The following TLL2 variants were observed in gnomAD, a reference collection of about 807,000 sequenced individuals.
TLL2 encodes the protein tolloid like 2.
TLL2 carries 106 observed loss-of-function variants against 123.0 expected under a neutral mutation model. That is an observed-to-expected ratio of 0.86 (90% CI 0.74 to 1.01). TLL2 has a LOEUF of 1.01. TLL2 is among the 50% of genes least tolerant of loss of function. TLL2 has a pLI of 0.00. For synonymous variants in TLL2, 494 were observed against 516.8 expected, an observed-to-expected ratio of 0.96 and a Z score of 0.60; for missense variants, 1,332 against 1,336.7, an observed-to-expected ratio of 1.00 and a Z score of 0.06.
chr10:96,418,853 AAATT>A (rs1720741897), intron 7 of TLL2, among the ~76,000 whole-genome samples: 1 of 149,150 alleles, frequency 6.7e-6, no homozygotes, highest in African/African-American at 2.4e-5. Context: ...ATGAATATAT[AAATT>A]AATAATTATT....
intron 1 of TLL2, among the ~76,000 whole-genome samples, chr10:96,487,573 T>C (rs1377546936): frequency 6.6e-6 from 1 of 151,454 alleles, no homozygotes. Context: ...GTAGGTGGAG[T>C]TGGGGGAGGG....
intron 3 of TLL2, among the ~76,000 whole-genome samples, chr10:96,434,683 A>T (rs920911613): frequency 6.6e-6 from 1 of 152,028 alleles, no homozygotes; most frequent in African/African-American, 2.4e-5. Context: ...TAGTTTTTTC[A>T]TTTCTCTTGG....
Position 96,432,844 on chromosome 10 carries a change from T to C in TLL2, c.483A>G (p.Gly161=). The change falls in exon 4 of 21, where the codon GGA becomes GGG. Residue 161 remains glycine (G), a synonymous_variant. Coordinates refer to ENST00000357947, the MANE Select transcript of TLL2 (RefSeq NM_012465.4). ...TTSRTERIWP[G]GVIPYVIGGN... is the part of the protein sequence containing the mutation. Reference sequence around the variant, plus strand: ...CTCCAATGACGTAGGGGATGACTCCTCCAGGCCATATCCTCTCTGTCCTTG... The same window carrying C: ...CTCCAATGACGTAGGGGATGACTCCCCCAGGCCATATCCTCTCTGTCCTTG... 3 of 1,614,058 alleles carry C rather than the reference T, an allele frequency of 1.9e-6. No homozygotes were observed. The highest frequency in any genetic ancestry group is 2.5e-6 in the Non-Finnish European group (3 of 1,179,992).
At chr10:96,474,402 C>A (rs1180065942) in intron 2 of TLL2, among the ~76,000 whole-genome samples, 1 of 152,248 alleles carries the variant, frequency 6.6e-6, no homozygotes, top group Non-Finnish European at 1.5e-5. Flanking sequence ...AGAGGCATCA[C>A]AAATGCAGCT....
intron 1 of TLL2, among the ~76,000 whole-genome samples, chr10:96,506,025 G>A (rs946252460): frequency 3.3e-5 from 5 of 151,950 alleles, no homozygotes; most frequent in Non-Finnish European, 7.4e-5. Context: ...AGGCTGAGGC[G>A]GGTGGATCAT....
At chr10:96,401,174 G>A (rs574259896) in intron 10 of TLL2, among the ~76,000 whole-genome samples, 11 of 152,148 alleles carry the variant, frequency 7.2e-5, no homozygotes, top group Non-Finnish European at 1.5e-4. Context: ...GTCATAAAGG[G>A]TTCATTCATA....
chr10:96,381,209 C>T (rs948978066), intron 16 of TLL2, among the ~76,000 whole-genome samples: 25 of 152,248 alleles, frequency 1.6e-4, no homozygotes, highest in African/African-American at 6.0e-4. Context: ...GCCCTGCTGC[C>T]CTGGTCCTCC....
At chr10:96,459,324 C>T (rs530026325) in intron 2 of TLL2, among the ~76,000 whole-genome samples, 2 of 151,862 alleles carry the variant, frequency 1.3e-5, no homozygotes, top group Admixed American at 6.6e-5. Flanking sequence ...AAGGATGTAC[C>T]CACCAAATAT....
intron 1 of TLL2, among the ~76,000 whole-genome samples, chr10:96,488,529 A>G (rs1847379081): frequency 1.3e-5 from 2 of 152,152 alleles, no homozygotes; most frequent in African/African-American, 4.8e-5. Context: ...GTTCCTGTGG[A>G]TCAAAGACAG....
At position 96,405,305 on chromosome 10, in the gene TLL2, C is replaced by G; in HGVS notation, c.1194G>C (p.Leu398Phe). 2 of 1,614,148 alleles carry G rather than the reference C, an allele frequency of 1.2e-6. No individual in the cohort carries two copies. The highest frequency in any genetic ancestry group is 4.5e-5 in the East Asian group (2 of 44,890). ...CATACCAGCACAGTCGGCTTTTAAA[C>G]AAATCCATGGATGTGAAGTTTAATA... ...KIVLNFTSMD[L>F]FKSRLCWYDY... Residue 398 changes from leucine to phenylalanine, a missense_variant, in exon 10 of 21, where the codon TTG becomes TTC. By Grantham distance (22) the Leu-to-Phe change is conservative. Coordinates refer to ENST00000357947, the MANE Select transcript of TLL2 (RefSeq NM_012465.4).
In TLL2 at chr10:96,476,240, A is replaced by ATATATATATATATATTTTTTTTTTTTTTT; in HGVS notation, c.286+4108_286+4109insAAAAAAAAAAAAAAATATATATATATATA. Among the ~76,000 whole-genome samples the ATATATATATATATATTTTTTTTTTTTTTT allele has an allele frequency of 7.3e-4, 15 of 20,432 alleles. 3 individuals carry two copies. Among genetic ancestry groups the ATATATATATATATATTTTTTTTTTTTTTT allele is most frequent in the Non-Finnish European group, 1.1e-3 (11 of 9,964 alleles). The allele number at this position is 20,432 out of a possible 152,430, so 13.4% of individuals were successfully genotyped here. ...TTTATATGTATATATATATATATAT[A>ATATATATATATATATTTTTTTTTTTTTTT]TTTTATTTTTGTTGTTGTTGTTGTT... On this transcript the variant is annotated intron_variant, in intron 2 of 20. Coordinates refer to ENST00000357947, the MANE Select transcript of TLL2 (RefSeq NM_012465.4).
At chr10:96,426,501 G>A (rs1400717405) in intron 5 of TLL2, among the ~76,000 whole-genome samples, 1 of 152,114 alleles carries the variant, frequency 6.6e-6, no homozygotes, top group African/African-American at 2.4e-5. Context: ...TGTTTTTGAA[G>A]TTTTGAAAGA....
At chr10:96,382,482 T>G (rs1396502577) in intron 16 of TLL2, among the ~76,000 whole-genome samples, 1 of 152,240 alleles carries the variant, frequency 6.6e-6, no homozygotes, top group Non-Finnish European at 1.5e-5. Flanking sequence ...ATGGGAACAC[T>G]GGTAAAAGAA....
At chr10:96,478,585 A>G (rs533233963) in intron 2 of TLL2, among the ~76,000 whole-genome samples, 69 of 152,334 alleles carry the variant, frequency 4.5e-4, no homozygotes, top group Middle Eastern at 3.4e-3. Flanking sequence ...AACTGCCCAC[A>G]TGTCTGTCAA....
At chr10:96,390,107 T>C (rs1458126048) in intron 13 of TLL2, among the ~76,000 whole-genome samples, 2 of 152,386 alleles carry the variant, frequency 1.3e-5, no homozygotes, top group East Asian at 3.9e-4. Context: ...GAAGCAGCAT[T>C]CAGCTTAGCA....
At chr10:96,424,767 ATTGTT>A (rs5787183) in intron 5 of TLL2, among the ~76,000 whole-genome samples, 43,584 of 150,568 alleles carry the variant, frequency 0.29, 6,338 homozygotes, top group Non-Finnish European at 0.31. Flanking sequence ...GTTTTTATGT[ATTGTT>A]TTGTTTTTTT....
intron 2 of TLL2, among the ~76,000 whole-genome samples, chr10:96,468,156 C>T (rs1290936837): frequency 6.6e-6 from 1 of 152,182 alleles, no homozygotes; most frequent in African/African-American, 2.4e-5. Flanking sequence ...CAGACGTGGA[C>T]CTACCATCTG....
chr10:96,460,953 G>A lies in TLL2; in HGVS notation c.287-14785C>T, dbSNP rs1339132206. On this transcript the variant is annotated intron_variant, in intron 2 of 20. Transcript: ENST00000357947. Reference sequence around the variant, plus strand: ...CAGCACCTTGATCTTGGACTTCCCAGCCTCCAGAACTGTGAGAAATCAATT... The same window carrying A: ...CAGCACCTTGATCTTGGACTTCCCAACCTCCAGAACTGTGAGAAATCAATT... Among the ~76,000 whole-genome samples the A allele has an allele frequency of 2.6e-5, 4 of 152,252 alleles. No homozygotes were observed. In the East Asian group the frequency reaches 7.7e-4, roughly 29 times the overall value.
At chr10:96,454,102 A>T (rs999733644) in intron 2 of TLL2, among the ~76,000 whole-genome samples, 1 of 152,188 alleles carries the variant, frequency 6.6e-6, no homozygotes, top group Non-Finnish European at 1.5e-5. Context: ...GTTTATGCAG[A>T]TGGAAAAGTT....
Sources: allele counts gnomAD v4.1 joint callset (sites outside exome capture counted in the v4.1 genomes callset), GRCh38; gene constraint gnomAD v4.1.1; transcripts MANE v1.5; gene names NCBI Gene and HGNC (gene_info 2026-07-23, HGNC 2026-07-21).